CBLB: variants seen among roughly 807,000 people sequenced by gnomAD.
CBLB encodes Cbl proto-oncogene B, also known as E3 ubiquitin-protein ligase CBL-B.
A neutral mutation model predicts 104.9 loss-of-function variants in CBLB; 31 were observed. The observed-to-expected ratio is 0.30, with a 90% confidence interval of 0.22 to 0.40. CBLB has a LOEUF of 0.40. CBLB is among the 10% of genes least tolerant of loss of function. The pLI, the probability that CBLB is intolerant of heterozygous loss-of-function variation, is 1.00. For missense variants in CBLB, 1,062 were observed against 1,214.6 expected (o/e 0.87, Z 1.87); for synonymous variants, 440 against 422.6 (o/e 1.04, Z -0.51).
chr3:105,797,905 C>A lies in CBLB; in HGVS notation c.420-21363G>T, dbSNP rs529669883. Among the ~76,000 whole-genome samples, 10 of 152,294 alleles carry A rather than the reference C, an allele frequency of 6.6e-5. No individual in the cohort carries two copies. In the East Asian group the frequency reaches 1.2e-3, roughly 18 times the overall value. On this transcript the variant is annotated intron_variant, in intron 3 of 18. Transcript: ENST00000394030. ...GTGGAAGCTCTATCCTTTTGATTAACCTGCTCAAGCTCAAGAGCAAGGCAG... is the reference window on the plus strand; with the variant it reads ...GTGGAAGCTCTATCCTTTTGATTAAACTGCTCAAGCTCAAGAGCAAGGCAG...
At chr3:105,856,801 G>A (rs1192107969) in intron 2 of CBLB, among the ~76,000 whole-genome samples, 1 of 152,108 alleles carries the variant, frequency 6.6e-6, no homozygotes, top group East Asian at 1.9e-4. Flanking sequence ...AGTGAAAATG[G>A]CTGACAGAGC....
chr3:105,832,268 A>G (rs1691088897), intron 3 of CBLB, among the ~76,000 whole-genome samples: 1 of 151,904 alleles, frequency 6.6e-6, no homozygotes, highest in African/African-American at 2.4e-5. Context: ...CTAAGAAGAA[A>G]ATATAACATG....
chr3:105,716,184 G>A (rs2071837052), intron 10 of CBLB, among the ~76,000 whole-genome samples: 1 of 152,186 alleles, frequency 6.6e-6, no homozygotes, highest in Non-Finnish European at 1.5e-5. Flanking sequence ...AAATGACCAT[G>A]TGACATTTGT....
At chr3:105,856,589 T>G (rs2091641172) in intron 2 of CBLB, among the ~76,000 whole-genome samples, 1 of 152,166 alleles carries the variant, frequency 6.6e-6, no homozygotes, top group Non-Finnish European at 1.5e-5. Context: ...GGTTGACTGC[T>G]ATTTTTTTTT....
At chr3:105,814,933 A>C in intron 3 of CBLB, among the ~76,000 whole-genome samples, 1 of 109,700 alleles carries the variant, frequency 9.1e-6, no homozygotes. Flanking sequence ...AATGCCACAC[A>C]CCCTGTATCT....
chr3:105,789,301 G>A (rs2081376934), intron 3 of CBLB, among the ~76,000 whole-genome samples: 1 of 152,036 alleles, frequency 6.6e-6, no homozygotes, highest in African/African-American at 2.4e-5. Flanking sequence ...TGATGAAGCT[G>A]GGTAGAAAGT....
At chr3:105,856,410 T>C (rs1272770746) in intron 2 of CBLB, among the ~76,000 whole-genome samples, 5 of 151,702 alleles carry the variant, frequency 3.3e-5, no homozygotes, top group Non-Finnish European at 7.4e-5. Flanking sequence ...TCAGGGTTTT[T>C]TTCAGAGGGA....
chr3:105,768,903 T>C (rs540666160), intron 4 of CBLB, among the ~76,000 whole-genome samples: 55 of 152,258 alleles, frequency 3.6e-4, no homozygotes, highest in Non-Finnish European at 6.0e-4. Context: ...ATCTAAGGAA[T>C]AGAAATGTAG....
chr3:105,799,177 CA>C (rs11372400), intron 3 of CBLB, among the ~76,000 whole-genome samples: 1,256 of 70,194 alleles, frequency 0.018, 16 homozygotes, highest in African/African-American at 0.041. Flanking sequence ...TGACAAAGAA[CA>C]AAAAAAAAAA....
intron 18 of CBLB, among the ~76,000 whole-genome samples, chr3:105,661,113 T>A (rs2063754653): frequency 6.6e-6 from 1 of 152,070 alleles, no homozygotes; most frequent in African/African-American, 2.4e-5. Flanking sequence ...ATGATGACAG[T>A]CTTATTTTAA....
At chr3:105,853,867 T>G (rs1173208029) in intron 2 of CBLB, among the ~76,000 whole-genome samples, 1 of 152,230 alleles carries the variant, frequency 6.6e-6, no homozygotes, top group African/African-American at 2.4e-5. Flanking sequence ...TTCAATCTTT[T>G]CTATATCATA....
At chr3:105,738,830 A>C (rs2075234981) in intron 7 of CBLB, among the ~76,000 whole-genome samples, 1 of 152,192 alleles carries the variant, frequency 6.6e-6, no homozygotes, top group Non-Finnish European at 1.5e-5. Flanking sequence ...AGGAAAAAGA[A>C]AGAGAAATAC....
chr3:105,776,659 G>A (rs2079512759), intron 3 of CBLB, 117 bp from the exon 4 acceptor site: 2 of 963,412 alleles, frequency 2.1e-6, no homozygotes, highest in Admixed American at 4.1e-5. Flanking sequence ...GTATGTCTTG[G>A]TGGTTGATCA....
chr3:105,770,462 G>A lies in CBLB; in HGVS notation c.566+5934C>T, dbSNP rs553645854. On this transcript the variant is annotated intron_variant, in intron 4 of 18. Coordinates refer to ENST00000394030, the MANE Select transcript of CBLB (RefSeq NM_170662.5). ...TCCCAATCTCCAGCATGAACCCAGG[G>A]AAGCTATTCCTGAATATATCTCACA... Among the ~76,000 whole-genome samples the A allele has an allele frequency of 5.9e-5, 9 of 152,266 alleles. 1 individual carries two copies. The East Asian group carries it at 1.7e-3, about 29-fold the overall frequency.
chr3:105,800,549 A>G (rs888120759), intron 3 of CBLB, among the ~76,000 whole-genome samples: 1 of 152,168 alleles, frequency 6.6e-6, no homozygotes, highest in African/African-American at 2.4e-5. Flanking sequence ...ACTCACTGTC[A>G]AGACACGTGT....
At chr3:105,851,319 T>C (rs1356547442) in intron 3 of CBLB, among the ~76,000 whole-genome samples, 3 of 152,056 alleles carry the variant, frequency 2.0e-5, no homozygotes, top group South Asian at 4.2e-4. Flanking sequence ...TATGTAACAC[T>C]GTGGAGAAGG....
intron 5 of CBLB, 46 bp downstream of exon 5, chr3:105,751,416 G>A (rs1293795842): frequency 1.5e-6 from 2 of 1,353,158 alleles, no homozygotes; most frequent in South Asian, 1.2e-5. Context: ...GAAAAGACAG[G>A]GAGAGAGAAG....
chr3:105,775,826 T>C (rs2079393474), intron 4 of CBLB, among the ~76,000 whole-genome samples: 1 of 152,224 alleles, frequency 6.6e-6, no homozygotes, highest in Non-Finnish European at 1.5e-5. Context: ...TGTGATAACA[T>C]TATCCTCATA....
intron 10 of CBLB, among the ~76,000 whole-genome samples, chr3:105,706,128 C>A (rs868418855): frequency 3.9e-5 from 6 of 151,990 alleles, no homozygotes; most frequent in Non-Finnish European, 8.8e-5. Context: ...GGCAACAGAG[C>A]AAGACCCTGT....
Sources: gnomAD v4.1 joint callset for allele counts (sites outside exome capture counted in the v4.1 genomes callset) on GRCh38, gnomAD v4.1.1 for gene constraint, MANE v1.5 for transcripts, NCBI Gene and HGNC (gene_info 2026-07-23, HGNC 2026-07-21) for gene names.